TRIM17: variants seen among roughly 807,000 people sequenced by gnomAD.
The protein encoded by TRIM17 is E3 ubiquitin-protein ligase TRIM17.
In TRIM17, 27 loss-of-function variants were observed where a neutral mutation model predicts 35.8. The ratio of observed to expected loss-of-function variants is 0.75; its 90% CI spans 0.56 to 1.04. The LOEUF (loss-of-function observed/expected upper bound fraction) is 1.04, where lower values mean the gene tolerates loss of function less well. Ranked by LOEUF, TRIM17 falls within the 50% of genes least tolerant of loss-of-function variation. The pLI is 0.00. For missense variants in TRIM17, 582 were observed against 612.8 expected, an observed-to-expected ratio of 0.95 and a Z score of 0.53; for synonymous variants, 246 against 252.6, an observed-to-expected ratio of 0.97 and a Z score of 0.25.
Position 228,409,250 on chromosome 1 carries a change from G to A in TRIM17, c.805C>T (p.Pro269Ser). 6.2e-7 allele frequency: 1 copy of A among 1,613,778 alleles called. No individual in the cohort carries two copies. Among genetic ancestry groups the A allele is most frequent in the Non-Finnish European group, 8.5e-7 (1 of 1,179,874 alleles). Residue 269 changes from proline to serine, a missense_variant, in exon 6 of 7, where the codon CCA becomes TCA. Coordinates refer to ENST00000366698, the MANE Select transcript of TRIM17 (RefSeq NM_016102.4). ...SRKNNVSVQC[P>S]EVAPPTRPRT... is the part of the protein sequence containing the mutation. ...GGTCTGGTTGGGGGGGCAACCTCTGGGCACTGCACACTCACGTTGTTCTTC... is the reference window on the plus strand; with the variant it reads ...GGTCTGGTTGGGGGGGCAACCTCTGAGCACTGCACACTCACGTTGTTCTTC...
At position 228,408,203 on chromosome 1, in the gene TRIM17, A is replaced by T. The variant is rs762322508; in HGVS notation, c.1432T>A (p.Ter478LysextTer37). ...ISTVTMWVKG[*>K] ...TGCCCGAGTCCCCCGGTCTGTGTCT[A>T]TCCTTTCACCCACATGGTCACTGTG... Residue 478 changes from the stop codon to lysine (K), a stop_lost, in exon 7 of 7, where the codon TAG (stop) becomes AAG (lysine). Transcript: ENST00000366698. The surrounding 1 kb of genome is among the most constrained non-coding windows in gnomAD (Gnocchi z 6.3). 2.0e-6 allele frequency: 3 copies of T among 1,524,164 alleles called. No individual in the cohort carries two copies. The highest frequency in any genetic ancestry group is 2.6e-6 in the Non-Finnish European group (3 of 1,137,114). 94.4% of individuals were successfully genotyped at this position (1,524,164 alleles called of 1,614,324 possible).
rs1235006861 is a variant in TRIM17 at position 228,410,536 on chromosome 1, G to A, written c.756+410C>T. ...TGTCTCAGGTTGGAACCTGTAAGGGGCTGACTTGTGTCCCCACTAATTCAC... is the reference window on the plus strand; with the variant it reads ...TGTCTCAGGTTGGAACCTGTAAGGGACTGACTTGTGTCCCCACTAATTCAC... On this transcript the variant is annotated intron_variant, in intron 4 of 6. Coordinates refer to ENST00000366698, the MANE Select transcript of TRIM17 (RefSeq NM_016102.4). This position sits in a 1 kb window ranked among gnomAD's most constrained non-coding sequence, Gnocchi z 4.6. 6.6e-6 allele frequency among the ~76,000 whole-genome samples: 1 copy of A among 152,082 alleles called. No individual in the cohort carries two copies. Among genetic ancestry groups the A allele is most frequent in the East Asian group, 1.9e-4 (1 of 5,180 alleles).
At chr1:228,412,868 C>T (rs1263737981) in intron 3 of TRIM17, among the ~76,000 whole-genome samples, 5 of 152,130 alleles carry the variant, frequency 3.3e-5, no homozygotes, top group Admixed American at 3.3e-4. Context: ...CATTGAGAAC[C>T]CGCAGAAGCA....
At position 228,409,308 on chromosome 1, in the gene TRIM17, ACTCCCCTGGCCC is replaced by A. The variant is rs770875874; in HGVS notation, c.780-45_780-34del. ...GGGCACACACAGGGGAGTCTTATTGACTCCCCTGGCCCGACAGTCTTATTGTCCCCCCCGCCC... is the reference window on the plus strand; with the variant it reads ...GGGCACACACAGGGGAGTCTTATTGAGACAGTCTTATTGTCCCCCCCGCCC... On this transcript the variant is annotated intron_variant, in intron 5 of 6. Coordinates refer to ENST00000366698, the MANE Select transcript of TRIM17 (RefSeq NM_016102.4). 3 of 1,604,918 alleles carry A rather than the reference ACTCCCCTGGCCC, an allele frequency of 1.9e-6. No individual in the cohort carries two copies. The South Asian group carries it at 3.3e-5, about 18-fold the overall frequency.
Position 228,408,963 on chromosome 1 carries a change from G to T in TRIM17, c.883+209C>A. 6.6e-7 allele frequency: 1 copy of T among 1,512,840 alleles called. No individual in the cohort carries two copies. Among genetic ancestry groups the T allele is most frequent in the South Asian group, 1.3e-5 (1 of 76,910 alleles). 93.7% of individuals were successfully genotyped at this position (1,512,840 alleles called of 1,614,324 possible). A position where few individuals can be genotyped will look rare whatever the true frequency, so the allele number is the denominator to read the frequency against. ...AATAAGGTACAGGGGGCTGGGCAGA[G>T]AGACCACTGGGAACTCAACAAGATT... On this transcript the variant is annotated intron_variant, in intron 6 of 6. Coordinates refer to ENST00000366698, the MANE Select transcript of TRIM17 (RefSeq NM_016102.4). This position sits in a 1 kb window ranked among gnomAD's most constrained non-coding sequence, Gnocchi z 6.3.
At position 228,410,189 on chromosome 1, in the gene TRIM17, G is replaced by A. The variant is rs905607067; in HGVS notation, c.756+757C>T. On this transcript the variant is annotated intron_variant, in intron 4 of 6. Coordinates refer to ENST00000366698, the MANE Select transcript of TRIM17 (RefSeq NM_016102.4). This position sits in a 1 kb window ranked among gnomAD's most constrained non-coding sequence, Gnocchi z 4.6. ...TAGCTCACTACAGCCTTGAACTCAC[G>A]GGCTCAAGCAGTCTTCCTGCCTCAG... is the stretch of plus-strand genomic sequence containing the variant. 2.0e-5 allele frequency among the ~76,000 whole-genome samples: 3 copies of A among 151,580 alleles called. No individual in the cohort carries two copies. Among genetic ancestry groups the A allele is most frequent in the Admixed American group, 6.6e-5 (1 of 15,210 alleles).
Position 228,408,714 on chromosome 1 carries a change from G to A in TRIM17, c.921C>T (p.Tyr307=). 1 of 1,605,344 alleles carries A rather than the reference G, an allele frequency of 6.2e-7. No individual in the cohort carries two copies. The highest frequency in any genetic ancestry group is 1.1e-5 in the South Asian group (1 of 91,086). The part of the protein sequence containing the change: ...VVPDATSAYP[Y]LLLYESRQRR... ...TCTGGCGGCTCTCATACAGGAGGAG[G>A]TAGGGGTACGCGGAGGTGGCATCAG... The change falls in exon 7 of 7, where the codon TAC becomes TAT. Residue 307 remains tyrosine, a synonymous_variant. Coordinates refer to ENST00000366698, the MANE Select transcript of TRIM17 (RefSeq NM_016102.4). The surrounding 1 kb of genome is among the most constrained non-coding windows in gnomAD (Gnocchi z 6.3).
chr1:228,411,098 T>C lies in TRIM17; in HGVS notation c.604A>G (p.Arg202Gly). The change falls in exon 4 of 7, where the codon AGG becomes GGG. Residue 202 changes from arginine (R) to glycine (G), a missense_variant. Coordinates refer to ENST00000366698, the MANE Select transcript of TRIM17 (RefSeq NM_016102.4). The surrounding 1 kb of genome is among the most constrained non-coding windows in gnomAD (Gnocchi z 4.2). ...TCCGTCTCCAGAGCCTGGAGGAGCC[T>C]CTGCTCTTCTTCCACCAGGTAGAGG... The part of the protein sequence containing the change: ...MNLYLVEEEQ[R>G]LLQALETEEE... The C allele has an allele frequency of 6.2e-7, 1 of 1,614,152 alleles. No individual in the cohort carries two copies. Among genetic ancestry groups the C allele is most frequent in the Non-Finnish European group, 8.5e-7 (1 of 1,180,010 alleles).
At chr1:228,415,268 G>T in intron 1 of TRIM17, 155 bp from the exon 2 acceptor site, 1 of 618,006 alleles carries the variant, frequency 1.6e-6, no homozygotes, top group South Asian at 2.2e-5. Context: ...AGACACAGAT[G>T]CCTCCCCAGA....
chr1:228,413,680 C>T (rs1656913027), intron 3 of TRIM17, 117 bp downstream of exon 3: 1 of 776,904 alleles, frequency 1.3e-6, no homozygotes, highest in Non-Finnish European at 2.1e-6. Flanking sequence ...AGGGTAGAGG[C>T]AACTTTCTTC....
chr1:228,408,237 C>T lies in TRIM17; in HGVS notation c.1398G>A (p.Met466Ile), dbSNP rs747580337. The T allele has an allele frequency of 1.3e-6, 2 of 1,558,636 alleles. No homozygotes were observed. The highest frequency in any genetic ancestry group is 1.7e-6 in the Non-Finnish European group (2 of 1,152,674). The stretch of plus-strand genomic sequence containing the variant: ...CCCACATGGTCACTGTGGAGATGAC[C>T]ATCTGACCAGACTTCGGAGCCCCCA... Reference protein sequence around the residue: ...FCLGAPKSGQMVISTVTMWVK... With the variant: ...FCLGAPKSGQIVISTVTMWVK... The change falls in exon 7 of 7, where the codon ATG (methionine) becomes ATA (isoleucine). Residue 466 changes from methionine (M) to isoleucine (I), a missense_variant. Met to Ile is a conservative substitution (Grantham distance 10). Transcript: ENST00000366698. This position sits in a 1 kb window ranked among gnomAD's most constrained non-coding sequence, Gnocchi z 6.3.
In TRIM17 at chr1:228,414,737, C is replaced by T. The variant is rs201749559; in HGVS notation, c.336G>A (p.Lys112=). The change falls in exon 2 of 7, where the codon AAG becomes AAA. Residue 112 remains lysine, a synonymous_variant. Coordinates refer to ENST00000366698, the MANE Select transcript of TRIM17 (RefSeq NM_016102.4). ...HHEPLKLFCQ[K]DQSPICVVCR... ...ACACCACACAGATGGGGCTCTGGTC[C>T]TTCTGGCAGAAAAGCTTGAGGGGCT... The T allele has an allele frequency of 8.7e-5, 140 of 1,612,636 alleles. No individual in the cohort carries two copies. The highest frequency in any genetic ancestry group is 8.3e-5 in the Admixed American group (5 of 60,016).
Position 228,408,430 on chromosome 1 carries a change from G to A in TRIM17, c.1205C>T (p.Thr402Ile). ...CATGACCGGGGTTAGGGCAGAGAAG[G>A]TGGATAAGTACTTGGTCCCCTTGGA... ...QLSKGTKYLS[T>I]FSALTPVMLM... is the part of the protein sequence containing the mutation. The change falls in exon 7 of 7, where the codon ACC (threonine) becomes ATC (isoleucine). Residue 402 changes from threonine (T) to isoleucine (I), a missense_variant. Coordinates refer to ENST00000366698, the MANE Select transcript of TRIM17 (RefSeq NM_016102.4). The surrounding 1 kb of genome is among the most constrained non-coding windows in gnomAD (Gnocchi z 6.3). 1.2e-6 allele frequency: 2 copies of A among 1,614,208 alleles called. No homozygotes were observed. The highest frequency in any genetic ancestry group is 1.1e-5 in the South Asian group (1 of 91,084).
chr1:228,416,526 G>C lies in TRIM17; in HGVS notation c.-42+13C>G. The C allele has an allele frequency of 3.0e-6, 3 of 985,604 alleles. No individual in the cohort carries two copies. The highest frequency in any genetic ancestry group is 3.6e-6 in the Non-Finnish European group (3 of 830,188). 61.1% of individuals were successfully genotyped at this position (985,604 alleles called of 1,614,324 possible). Reference sequence around the variant, plus strand: ...AGGAGGGTAGCCTAGGCGGCGGGGTGGGGGCTACTCACCGCGGGGAAGGGG... The same window carrying C: ...AGGAGGGTAGCCTAGGCGGCGGGGTCGGGGCTACTCACCGCGGGGAAGGGG... On this transcript the variant is annotated intron_variant, in intron 1 of 6. Transcript: ENST00000366698.
Position 228,414,727 on chromosome 1 carries a change from G to T in TRIM17, c.346C>A (p.Pro116Thr). Reference sequence around the variant, plus strand: ...GACTCCCTGCACACCACACAGATGGGGCTCTGGTCCTTCTGGCAGAAAAGC... The same window carrying T: ...GACTCCCTGCACACCACACAGATGGTGCTCTGGTCCTTCTGGCAGAAAAGC... ...LKLFCQKDQS[P>T]ICVVCRESRE... The change falls in exon 2 of 7, where the codon CCC (proline) becomes ACC (threonine). Residue 116 changes from proline (P) to threonine (T), a missense_variant. Physicochemically the swap from Pro to Thr is conservative, Grantham distance 38. Coordinates refer to ENST00000366698, the MANE Select transcript of TRIM17 (RefSeq NM_016102.4). The T allele has an allele frequency of 6.2e-7, 1 of 1,612,540 alleles. No homozygotes were observed. Among genetic ancestry groups the T allele is most frequent in the Admixed American group, 1.7e-5 (1 of 60,032 alleles).
chr1:228,414,021 A>G (rs1656942839), intron 2 of TRIM17, 129 bp from the exon 3 acceptor site: 1 of 712,968 alleles, frequency 1.4e-6, no homozygotes, highest in African/African-American at 1.8e-5. Flanking sequence ...GGATCAAAAT[A>G]CGTCACCCAG....
intron 3 of TRIM17, 97 bp downstream of exon 3, chr1:228,413,700 C>T: frequency 1.0e-6 from 1 of 985,034 alleles, no homozygotes. Context: ...CTTTTCCTGC[C>T]ACTGCGGCAG....
chr1:228,410,975 T>A lies in TRIM17; in HGVS notation c.727A>T (p.Ser243Cys), dbSNP rs1056722982. The change falls in exon 4 of 7, where the codon AGC becomes TGC. Residue 243 changes from serine to cysteine, a missense_variant. Ser to Cys is a moderately radical substitution (Grantham distance 112). Coordinates refer to ENST00000366698, the MANE Select transcript of TRIM17 (RefSeq NM_016102.4). The surrounding 1 kb of genome is among the most constrained non-coding windows in gnomAD (Gnocchi z 4.6). ...AGCATCTGGAGGGGCCCCTGTGTGCTCCGCTCCTCCAGCTGCAGCAGCAGC... is the reference window on the plus strand; with the variant it reads ...AGCATCTGGAGGGGCCCCTGTGTGCACCGCTCCTCCAGCTGCAGCAGCAGC... ...ELLLLQLEER[S>C]TQGPLQMLQD... 1.3e-6 allele frequency: 2 copies of A among 1,597,348 alleles called. No homozygotes were observed. Among genetic ancestry groups the A allele is most frequent in the Non-Finnish European group, 1.7e-6 (2 of 1,172,472 alleles).
chr1:228,416,552 G>T lies in TRIM17; in HGVS notation c.-55C>A, dbSNP rs1227390142. The T allele has an allele frequency of 4.1e-6, 4 of 985,624 alleles. No homozygotes were observed. The highest frequency in any genetic ancestry group is 4.8e-6 in the Non-Finnish European group (4 of 830,310). The allele number at this position is 985,624 out of a possible 1,614,324, so 61.1% of individuals were successfully genotyped here. A position where few individuals can be genotyped will look rare whatever the true frequency, so the allele number is the denominator to read the frequency against. On this transcript the variant is annotated 5_prime_UTR_variant, in exon 1 of 7. Transcript: ENST00000366698. ...GGGGCTACTCACCGCGGGGAAGGGG[G>T]GCCCGCACAGCGCCTAGTGCACCTG...
Sources: allele counts gnomAD v4.1 joint callset (sites outside exome capture counted in the v4.1 genomes callset), GRCh38; gene constraint gnomAD v4.1.1; non-coding constraint Gnocchi (gnomAD v3.1); transcripts MANE v1.5; gene names NCBI Gene and HGNC (gene_info 2026-07-23, HGNC 2026-07-21).